The following CHN1 variants were observed in gnomAD, a reference collection of about 807,000 sequenced individuals.
The protein encoded by CHN1 is N-chimaerin.
CHN1 carries 37 observed loss-of-function variants against 59.5 expected under a neutral mutation model. The observed-to-expected ratio is 0.62, with a 90% confidence interval of 0.48 to 0.82. The LOEUF is 0.82. Ranked by LOEUF, CHN1 falls within the 40% of genes least tolerant of loss-of-function variation. The pLI, the probability that CHN1 is intolerant of heterozygous loss-of-function variation, is 0.00. For missense variants in CHN1, 469 were observed against 571.0 expected (o/e 0.82, Z 1.82); for synonymous variants, 206 against 200.4 (o/e 1.03, Z -0.24).
chr2:174,929,610 C>G (rs1421488163), intron 3 of CHN1, among the ~76,000 whole-genome samples: 1 of 151,932 alleles, frequency 6.6e-6, no homozygotes, highest in African/African-American at 2.4e-5. Context: ...TGAGAAAACC[C>G]TTTGCGAAAA....
intron 8 of CHN1, among the ~76,000 whole-genome samples, chr2:174,819,948 AATG>A (rs1269808460): frequency 2.0e-5 from 3 of 151,070 alleles, no homozygotes; most frequent in African/African-American, 2.4e-5. Context: ...GTTTACTGAG[AATG>A]ATGATTTCCA....
In CHN1 at chr2:174,801,681, T is replaced by G. The variant is rs1180277317; in HGVS notation, c.1208+26A>C. 8 of 1,544,342 alleles carry G rather than the reference T, an allele frequency of 5.2e-6. No homozygotes were observed. The East Asian group carries it at 9.0e-5, about 17-fold the overall frequency. On this transcript the variant is annotated intron_variant, in intron 12 of 12. Coordinates refer to ENST00000409900, the MANE Select transcript of CHN1 (RefSeq NM_001822.7). Reference sequence around the variant, plus strand: ...CCTTAAAATTTGGATGCAATACAAGTGTAAGACTCAAAGTCTATAGCTTGC... The same window carrying G: ...CCTTAAAATTTGGATGCAATACAAGGGTAAGACTCAAAGTCTATAGCTTGC...
chr2:174,897,363 T>C (rs1170305325), intron 5 of CHN1, among the ~76,000 whole-genome samples: 1 of 152,056 alleles, frequency 6.6e-6, no homozygotes, highest in African/African-American at 2.4e-5. Flanking sequence ...CGACAAAAGA[T>C]CAACATTTGC....
chr2:174,903,828 C>T (rs1026144185), intron 5 of CHN1, among the ~76,000 whole-genome samples: 13 of 152,024 alleles, frequency 8.6e-5, no homozygotes, highest in South Asian at 2.1e-4. Context: ...TTTGAGACTA[C>T]GGGGGTGGAA....
intron 3 of CHN1, among the ~76,000 whole-genome samples, chr2:174,943,728 C>T (rs1689742062): frequency 1.3e-5 from 2 of 152,116 alleles, no homozygotes; most frequent in African/African-American, 2.4e-5. Flanking sequence ...TCTTCATCCA[C>T]TCCTTATCAT....
chr2:174,842,234 G>C (rs1214388843), intron 7 of CHN1, among the ~76,000 whole-genome samples: 1 of 152,190 alleles, frequency 6.6e-6, no homozygotes, highest in Non-Finnish European at 1.5e-5. Flanking sequence ...GAAGAATGGA[G>C]GGAGGCAAGG....
At chr2:174,866,732 A>G (rs188305830) in intron 6 of CHN1, among the ~76,000 whole-genome samples, 6 of 152,368 alleles carry the variant, frequency 3.9e-5, no homozygotes, top group Non-Finnish European at 8.8e-5. Flanking sequence ...GGGCAACTCT[A>G]AAGTGTAGAC....
In CHN1 at chr2:174,876,325, C is replaced by G. The variant is rs554609512; in HGVS notation, c.549+1515G>C. Among the ~76,000 whole-genome samples the G allele has an allele frequency of 6.6e-5, 10 of 152,324 alleles. No individual in the cohort carries two copies. In the South Asian group the frequency reaches 2.1e-3, roughly 32 times the overall value. ...AGGCTGATCAATTTTGAAAGACTCA[C>G]ATGTACACATTTTTAAACATTTCAC... On this transcript the variant is annotated intron_variant, in intron 6 of 12. Coordinates refer to ENST00000409900, the MANE Select transcript of CHN1 (RefSeq NM_001822.7).
chr2:174,861,716 T>C (rs1368110517), intron 6 of CHN1, among the ~76,000 whole-genome samples: 1 of 152,238 alleles, frequency 6.6e-6, no homozygotes, highest in Non-Finnish European at 1.5e-5. Flanking sequence ...ATAGGTATCT[T>C]AGCAACATAG....
At chr2:174,972,422 T>C (rs75649093) in intron 1 of CHN1, among the ~76,000 whole-genome samples, 2,240 of 152,282 alleles carry the variant, frequency 0.015, 49 homozygotes, top group African/African-American at 0.051. Flanking sequence ...CAATTTCAAA[T>C]TCCCCTAAGC....
intron 11 of CHN1, among the ~76,000 whole-genome samples, chr2:174,807,411 G>C (rs1017262004): frequency 1.3e-5 from 2 of 149,968 alleles, no homozygotes; most frequent in African/African-American, 4.9e-5. Flanking sequence ...CGGGATCAGA[G>C]CATACTGTGG....
At chr2:174,804,412 T>C (rs745991687) in intron 11 of CHN1, among the ~76,000 whole-genome samples, 29 of 152,170 alleles carry the variant, frequency 1.9e-4, no homozygotes, top group Middle Eastern at 6.8e-3. Flanking sequence ...CTAAGAGAAA[T>C]GGGAAGGTTA....
At chr2:174,833,877 A>G (rs1206081075) in intron 7 of CHN1, among the ~76,000 whole-genome samples, 2 of 150,868 alleles carry the variant, frequency 1.3e-5, no homozygotes, top group Admixed American at 1.3e-4. Context: ...CTGCAGCCTC[A>G]CACTCCTGGA....
At chr2:174,931,036 G>T (rs1469704306) in intron 3 of CHN1, among the ~76,000 whole-genome samples, 1 of 151,972 alleles carries the variant, frequency 6.6e-6, no homozygotes, top group Non-Finnish European at 1.5e-5. Flanking sequence ...CCAAAGTGCT[G>T]GGATTATAGG....
chr2:174,904,204 G>A (rs1688473097), intron 5 of CHN1, among the ~76,000 whole-genome samples: 1 of 151,502 alleles, frequency 6.6e-6, no homozygotes, highest in African/African-American at 2.4e-5. Context: ...TGGAGGTTGT[G>A]GCACGAGATT....
At chr2:174,989,645 C>G (rs1691472230) in intron 1 of CHN1, among the ~76,000 whole-genome samples, 2 of 151,998 alleles carry the variant, frequency 1.3e-5, no homozygotes, top group African/African-American at 2.4e-5. Context: ...TAAAAATTAG[C>G]TGGGCATGGT....
chr2:174,877,735 T>C lies in CHN1; in HGVS notation c.549+105A>G, dbSNP rs187055107. On this transcript the variant is annotated intron_variant, in intron 6 of 12. Coordinates refer to ENST00000409900, the MANE Select transcript of CHN1 (RefSeq NM_001822.7). ...AACTAGACATTAAGAAAAATGAATA[T>C]ACTTTCCAAAGCACTGTGGATAAAT... 1.6e-4 allele frequency: 151 copies of C among 950,202 alleles called. 1 individual carries two copies. In the Admixed American group the frequency reaches 1.6e-3, roughly 10 times the overall value. The allele number at this position is 950,202 out of a possible 1,614,324, so 58.9% of individuals were successfully genotyped here. A position where few individuals can be genotyped will look rare whatever the true frequency, so the allele number is the denominator to read the frequency against.
intron 4 of CHN1, 166 bp from the exon 5 acceptor site, chr2:174,915,337 AC>A: frequency 1.6e-6 from 1 of 609,672 alleles, no homozygotes; most frequent in East Asian, 2.8e-5. Flanking sequence ...GTTTCTCTGG[AC>A]CTGGCCCCCA....
In CHN1 at chr2:174,847,437, CTCTT is replaced by C. The variant is rs372325711; in HGVS notation, c.550-484_550-481del. Reference sequence around the variant, plus strand: ...CTAACATACAAAACACTCAGCATCTCTCTTTATCATTTTTTAAAAGGCATGCAAT... The same window carrying C: ...CTAACATACAAAACACTCAGCATCTCTATCATTTTTTAAAAGGCATGCAAT... On this transcript the variant is annotated intron_variant, in intron 6 of 12. Coordinates refer to ENST00000409900, the MANE Select transcript of CHN1 (RefSeq NM_001822.7). 8.7e-4 allele frequency: 1,042 copies of C among 1,201,934 alleles called. 5 individuals are homozygous for C. In the East Asian group the frequency reaches 0.019, roughly 22 times the overall value. The allele number at this position is 1,201,934 out of a possible 1,614,324, so 74.5% of individuals were successfully genotyped here.
Sources: allele counts gnomAD v4.1 joint callset (sites outside exome capture counted in the v4.1 genomes callset), GRCh38; gene constraint gnomAD v4.1.1; transcripts MANE v1.5; gene names NCBI Gene and HGNC (gene_info 2026-07-23, HGNC 2026-07-21).